Variants in ANO4 observed in about 807,000 individuals in gnomAD.
ANO4 encodes the protein anoctamin 4.
A neutral mutation model predicts 141.9 loss-of-function variants in ANO4; 69 were observed. The ratio of observed to expected loss-of-function variants is 0.49; its 90% confidence interval spans 0.40 to 0.59. The LOEUF (loss-of-function observed/expected upper bound fraction) is 0.59. Ranked by LOEUF, ANO4 falls within the 20% of genes least tolerant of loss-of-function variation. The pLI, the probability that ANO4 is intolerant of heterozygous loss-of-function variation, is 0.00. For synonymous variants in ANO4, 350 were observed against 394.3 expected (o/e 0.89, Z 1.33); for missense variants, 894 against 1,162.2 (o/e 0.77, Z 3.36).
At chr12:100,939,536 A>G (rs2042421924) in intron 4 of ANO4, 85 bp downstream of exon 4, 6 of 1,434,630 alleles carry the variant, frequency 4.2e-6, no homozygotes, top group Admixed American at 4.3e-5. Flanking sequence ...GTTTAAAGTC[A>G]TAATCTCATT....
intron 3 of ANO4, among the ~76,000 whole-genome samples, chr12:100,760,977 C>A (rs1291588406): frequency 6.6e-6 from 1 of 152,188 alleles, no homozygotes; most frequent in East Asian, 1.9e-4. Context: ...TCCTATGTAT[C>A]TTAACTTTCT....
intron 14 of ANO4, among the ~76,000 whole-genome samples, chr12:101,066,101 A>G (rs984991719): frequency 6.6e-6 from 1 of 152,178 alleles, no homozygotes; most frequent in African/African-American, 2.4e-5. Flanking sequence ...TGGGTGTAGA[A>G]GGAGAATACT....
At chr12:101,064,668 TAATA>T (rs2048501045) in intron 14 of ANO4, among the ~76,000 whole-genome samples, 5 of 87,500 alleles carry the variant, frequency 5.7e-5, no homozygotes, top group East Asian at 3.3e-4. Context: ...AGTATTATAA[TAATA>T]ATAATAATAA....
Position 101,090,695 on chromosome 12 carries a change from T to C in ANO4, c.1702-3561T>C, listed in dbSNP as rs192206639. Among the ~76,000 whole-genome samples the C allele has an allele frequency of 1.3e-4, 20 of 152,062 alleles. No homozygotes were observed. The East Asian group carries it at 3.7e-3, about 28-fold the overall frequency. ...CACACCAACATGGCACATGTATATA[T>C]ATGTAGCAAACCTGCACATTGTGCA... On this transcript the variant is annotated intron_variant, in intron 17 of 27. Coordinates refer to ENST00000392977, the MANE Select transcript of ANO4 (RefSeq NM_001286615.2).
chr12:100,997,945 C>T (rs892412923), intron 8 of ANO4, among the ~76,000 whole-genome samples: 2 of 152,130 alleles, frequency 1.3e-5, no homozygotes, highest in African/African-American at 4.8e-5. Context: ...CTGCTCATGG[C>T]CATAACTTTC....
At chr12:100,723,897 G>A (rs1348463541) in intron 1 of ANO4, among the ~76,000 whole-genome samples, 2 of 152,132 alleles carry the variant, frequency 1.3e-5, no homozygotes, top group Non-Finnish European at 2.9e-5. Flanking sequence ...CTAGAATGTA[G>A]TCCTAGACAC....
rs1224853465 is a variant in ANO4, at chr12:100,896,151, C to T, written c.-140-5495C>T. 1.3e-5 allele frequency among the ~76,000 whole-genome samples: 2 copies of T among 152,150 alleles called. 1 individual carries two copies. Among genetic ancestry groups the T allele is most frequent in the East Asian group, 3.9e-4 (2 of 5,190 alleles). ...ATAATGGCTCCCAAATATCTGTCCA[C>T]ATTCTAATTCCCAGAACCTGCAAGT... On this transcript the variant is annotated intron_variant, in intron 1 of 27. Transcript: ENST00000392977.
chr12:100,893,448 G>T (rs967648272), intron 1 of ANO4, among the ~76,000 whole-genome samples: 3 of 151,922 alleles, frequency 2.0e-5, no homozygotes, highest in Non-Finnish European at 4.4e-5. Flanking sequence ...GCCTGATATT[G>T]GCTGGTTTAA....
chr12:101,086,938 A>C (rs1169637350), intron 17 of ANO4, 114 bp downstream of exon 17: 1 of 1,230,116 alleles, frequency 8.1e-7, no homozygotes, highest in Admixed American at 2.7e-5. Flanking sequence ...TTCACATAGC[A>C]CTGATGTCCT....
At chr12:101,015,138 T>A (rs2046262719) in intron 8 of ANO4, among the ~76,000 whole-genome samples, 1 of 152,078 alleles carries the variant, frequency 6.6e-6, no homozygotes, top group South Asian at 2.1e-4. Flanking sequence ...TTGCAGTTTT[T>A]TAAAAAATGT....
At chr12:101,030,990 G>A (rs776809952) in intron 9 of ANO4, among the ~76,000 whole-genome samples, 52 of 152,102 alleles carry the variant, frequency 3.4e-4, no homozygotes, top group African/African-American at 9.2e-4. Flanking sequence ...GTTCACAGCC[G>A]AATTCTACCA....
intron 2 of ANO4, among the ~76,000 whole-genome samples, chr12:100,919,670 CTGTGTG>C (rs63330161): frequency 1.2e-3 from 162 of 139,836 alleles, no homozygotes; most frequent in Middle Eastern, 3.5e-3. Context: ...GGACATGTCT[CTGTGTG>C]TGTGTGTGTG....
intron 5 of ANO4, among the ~76,000 whole-genome samples, chr12:100,962,927 T>C (rs1162169588): frequency 1.3e-5 from 2 of 152,020 alleles, no homozygotes; most frequent in Non-Finnish European, 2.9e-5. Context: ...AGTGGATAGA[T>C]TAGAGAGAAG....
At chr12:101,111,131 G>A (rs1266083161) in intron 23 of ANO4, among the ~76,000 whole-genome samples, 3 of 152,204 alleles carry the variant, frequency 2.0e-5, no homozygotes, top group South Asian at 2.1e-4. Context: ...TGTTAATGAC[G>A]TCTTTTAACC....
In ANO4 at chr12:101,039,935, C is replaced by A. The variant is rs2047349502; in HGVS notation, c.898-20C>A. The A allele has an allele frequency of 1.9e-6, 3 of 1,604,706 alleles. No homozygotes were observed. Among genetic ancestry groups the A allele is most frequent in the Non-Finnish European group, 2.6e-6 (3 of 1,174,338 alleles). ...ACTTTTGTGAGTACTACCTCACTGG[C>A]AGTGGTGTTTTTATCCCAGGGAAGT... On this transcript the variant is annotated intron_variant, in intron 10 of 27. Transcript: ENST00000392977.
chr12:100,836,132 A>T (rs2036897909), intron 1 of ANO4, among the ~76,000 whole-genome samples: 2 of 152,140 alleles, frequency 1.3e-5, no homozygotes, highest in South Asian at 4.1e-4. Flanking sequence ...TAGTCTTTGC[A>T]TATACGTTTT....
intron 1 of ANO4, among the ~76,000 whole-genome samples, chr12:100,834,409 C>G (rs2135784814): frequency 6.6e-6 from 1 of 152,224 alleles, no homozygotes; most frequent in South Asian, 2.1e-4. Flanking sequence ...ATTGCAGTGA[C>G]CAGACCACCA....
chr12:100,806,236 G>C (rs2035014419), intron 1 of ANO4, among the ~76,000 whole-genome samples: 1 of 152,100 alleles, frequency 6.6e-6, no homozygotes, highest in African/African-American at 2.4e-5. Context: ...TAAAAATTCT[G>C]ATGGCTCTTA....
intron 9 of ANO4, among the ~76,000 whole-genome samples, chr12:101,033,046 A>G (rs1185073751): frequency 1.3e-5 from 2 of 152,218 alleles, no homozygotes; most frequent in Non-Finnish European, 2.9e-5. Flanking sequence ...TATTCACAAT[A>G]GCAAAGACTT....
Sources: gnomAD v4.1 joint callset for allele counts (sites outside exome capture counted in the v4.1 genomes callset) on GRCh38, gnomAD v4.1.1 for gene constraint, MANE v1.5 for transcripts, NCBI Gene and HGNC (gene_info 2026-07-23, HGNC 2026-07-21) for gene names.